Variants in ADAM9 observed in about 807,000 individuals in gnomAD.
ADAM9 encodes the protein ADAM metallopeptidase domain 9.
A neutral mutation model predicts 108.1 loss-of-function variants in ADAM9; 54 were observed. The observed-to-expected ratio is 0.50, with a 90% CI of 0.40 to 0.63. The LOEUF (loss-of-function observed/expected upper bound fraction) is 0.63, where lower values mean the gene tolerates loss of function less well. Ranked by LOEUF, ADAM9 falls within the 20% of genes least tolerant of loss-of-function variation. ADAM9 has a pLI of 0.00. For missense variants in ADAM9, 830 were observed against 997.7 expected (o/e 0.83, Z 2.26); for synonymous variants, 316 against 336.0 (o/e 0.94, Z 0.65).
At chr8:39,008,173 CT>C (rs35261462) in intron 2 of ADAM9, among the ~76,000 whole-genome samples, 190 bp downstream of exon 2, 260 of 146,652 alleles carry the variant, frequency 1.8e-3, no homozygotes, top group Admixed American at 2.2e-3. Flanking sequence ...CCTTAATATC[CT>C]TTTTTTTTTT....
chr8:39,064,536 G>C (rs963163846), intron 14 of ADAM9, among the ~76,000 whole-genome samples: 1 of 152,186 alleles, frequency 6.6e-6, no homozygotes, highest in African/African-American at 2.4e-5. Context: ...AGAGATGATG[G>C]TTTAGTTCCA....
chr8:39,084,281 T>A (rs1839113653), intron 18 of ADAM9, among the ~76,000 whole-genome samples: 1 of 151,976 alleles, frequency 6.6e-6, no homozygotes, highest in Non-Finnish European at 1.5e-5. Flanking sequence ...TCTGCTTACT[T>A]TGGGTTTCAT....
chr8:39,092,331 T>TACACAC (rs71552833), intron 20 of ADAM9, among the ~76,000 whole-genome samples: 6,113 of 148,738 alleles, frequency 0.041, 366 homozygotes, highest in African/African-American at 0.13. Flanking sequence ...AATATATTTA[T>TACACAC]ACACACACAC....
chr8:39,082,103 T>C (rs1839042761), intron 16 of ADAM9, among the ~76,000 whole-genome samples: 1 of 152,160 alleles, frequency 6.6e-6, no homozygotes. Flanking sequence ...AACAGTGCTT[T>C]TAATAGAAAT....
chr8:39,044,941 C>CATAGGTATGTATATATGTGTGTG (rs1564295522), intron 12 of ADAM9, among the ~76,000 whole-genome samples: 2 of 148,356 alleles, frequency 1.3e-5, no homozygotes, highest in Non-Finnish European at 3.0e-5. Flanking sequence ...TGCACACATA[C>CATAGGTATGTATATATGTGTGTG]CTATGTATGT....
chr8:39,008,158 T>C (rs1836224503), intron 2 of ADAM9, among the ~76,000 whole-genome samples, 175 bp downstream of exon 2: 1 of 150,576 alleles, frequency 6.6e-6, no homozygotes, highest in Non-Finnish European at 1.5e-5. Context: ...AAGCAACATA[T>C]TGAGCCTTAA....
chr8:39,022,064 T>TTGTGTGTGTG (rs552684363), intron 8 of ADAM9, among the ~76,000 whole-genome samples: 2 of 141,470 alleles, frequency 1.4e-5, no homozygotes, highest in Non-Finnish European at 3.1e-5. Flanking sequence ...ATGACAATAT[T>TTGTGTGTGTG]TGTGTGTGTG....
intron 12 of ADAM9, among the ~76,000 whole-genome samples, chr8:39,044,071 G>T (rs1400969596): frequency 1.3e-5 from 2 of 152,114 alleles, no homozygotes; most frequent in Non-Finnish European, 2.9e-5. Flanking sequence ...TTCCTATGCT[G>T]TGTAGAAGGT....
chr8:39,008,224 G>A (rs1041820176), intron 2 of ADAM9, among the ~76,000 whole-genome samples: 7 of 151,512 alleles, frequency 4.6e-5, no homozygotes, highest in Non-Finnish European at 1.0e-4. Context: ...GCTGGAGTGT[G>A]CAGTGGTGTG....
intron 1 of ADAM9, among the ~76,000 whole-genome samples, chr8:39,003,065 A>G (rs549632314): frequency 2.5e-3 from 381 of 152,014 alleles, no homozygotes; most frequent in African/African-American, 8.9e-3. Context: ...TTGTAGAGGC[A>G]GGGTTTCACC....
intron 14 of ADAM9, among the ~76,000 whole-genome samples, chr8:39,058,014 A>G (rs1401249759): frequency 6.6e-6 from 1 of 152,182 alleles, no homozygotes; most frequent in Non-Finnish European, 1.5e-5. Context: ...TCCACCTAGC[A>G]TGATATAATA....
At position 39,045,155 on chromosome 8, in the gene ADAM9, TATAC is replaced by T. The variant is rs1554578909; in HGVS notation, c.1302+3046_1302+3049del. The stretch of plus-strand genomic sequence containing the variant: ...ACATACATATATGTGTATATATGTG[TATAC>T]ATACATATATGTGTATATATGTGTA... On this transcript the variant is annotated intron_variant, in intron 12 of 21. Transcript: ENST00000487273. Among the ~76,000 whole-genome samples, 10 of 108,624 alleles carry T rather than the reference TATAC, an allele frequency of 9.2e-5. 1 individual carries two copies. The South Asian group carries it at 1.0e-3, about 11-fold the overall frequency. The allele number at this position is 108,624 out of a possible 152,430, so 71.3% of individuals were successfully genotyped here.
At chr8:39,098,945 A>C (rs557805426) in intron 20 of ADAM9, among the ~76,000 whole-genome samples, 1 of 151,986 alleles carries the variant, frequency 6.6e-6, no homozygotes, top group African/African-American at 2.4e-5. Context: ...CTTTAAACTG[A>C]AATTTTTGTT....
rs1379081544 is a variant in ADAM9, at chr8:39,045,115, T to TGTGTGTGTGCATACATAC, written c.1302+2998_1302+2999insGTGTGTGTGCATACATAC. Among the ~76,000 whole-genome samples the TGTGTGTGTGCATACATAC allele has an allele frequency of 3.4e-4, 13 of 38,668 alleles. 3 individuals are homozygous for TGTGTGTGTGCATACATAC. Among genetic ancestry groups the TGTGTGTGTGCATACATAC allele is most frequent in the Non-Finnish European group, 6.3e-4 (13 of 20,732 alleles). 25.4% of individuals were successfully genotyped at this position (38,668 alleles called of 152,430 possible). On this transcript the variant is annotated intron_variant, in intron 12 of 21. Transcript: ENST00000487273. The stretch of plus-strand genomic sequence containing the variant: ...ACATATGTGTGTGTGCATACATACA[T>TGTGTGTGTGCATACATAC]ATGTGTGTGTGCATACATACATATA...
chr8:39,014,777 T>G (rs1014555030), intron 4 of ADAM9: 18 of 465,142 alleles, frequency 3.9e-5, no homozygotes, highest in Non-Finnish European at 6.8e-5. Flanking sequence ...ATTGTTTCTG[T>G]TGGTAGCGCA....
rs754744482 is a variant in ADAM9, at chr8:39,071,379, A to G, written c.1673A>G (p.Asn558Ser). The G allele has an allele frequency of 1.2e-5, 19 of 1,614,018 alleles. No homozygotes were observed. Among genetic ancestry groups the G allele is most frequent in the East Asian group, 2.2e-5 (1 of 44,866 alleles). ...TTTGGCAATTGTGGTTTCTCTGGCA[A>G]TGAATACAAGAAGTGTGCCACTGGG... Reference protein sequence around the residue: ...DRFGNCGFSGNEYKKCATGNA... With the variant: ...DRFGNCGFSGSEYKKCATGNA... The change falls in exon 15 of 22, where the codon AAT (asparagine) becomes AGT (serine). Residue 558 changes from asparagine (N) to serine (S), a missense_variant. Physicochemically the swap from Asn to Ser is conservative, Grantham distance 46. Transcript: ENST00000487273.
At chr8:39,014,071 G>A in intron 4 of ADAM9, 28 bp downstream of exon 4, 1 of 1,575,242 alleles carries the variant, frequency 6.3e-7, no homozygotes, top group Non-Finnish European at 8.7e-7. Context: ...TGATCCCATA[G>A]CAAATTTTAA....
chr8:39,055,486 C>T, intron 13 of ADAM9, 91 bp from the exon 14 acceptor site: 1 of 1,305,382 alleles, frequency 7.7e-7, no homozygotes, highest in South Asian at 1.2e-5. Context: ...TGTTAGAATG[C>T]TTTATAGATG....
At chr8:39,064,536 G>A (rs963163846) in intron 14 of ADAM9, among the ~76,000 whole-genome samples, 1 of 152,186 alleles carries the variant, frequency 6.6e-6, no homozygotes, top group Non-Finnish European at 1.5e-5. Flanking sequence ...AGAGATGATG[G>A]TTTAGTTCCA....
Sources: gnomAD v4.1 joint callset for allele counts (sites outside exome capture counted in the v4.1 genomes callset) on GRCh38, gnomAD v4.1.1 for gene constraint, MANE v1.5 for transcripts, NCBI Gene and HGNC (gene_info 2026-07-23, HGNC 2026-07-21) for gene names.